Variants in NHSL3 observed in about 807,000 individuals in gnomAD.
NHSL3 encodes NHS like 3.
At chr1:32,771,938 C>G in the NHSL3 span, 4 of 1,602,200 alleles carry the variant, frequency 2.5e-6, no homozygotes, top group African/African-American at 1.3e-5. Flanking sequence ...TCAGGGCGGG[C>G]CAGCCCAGTG....
chr1:32,766,282 C>T, the NHSL3 span, among the ~76,000 whole-genome samples: 2 of 152,056 alleles, frequency 1.3e-5, no homozygotes, highest in African/African-American at 4.8e-5. Flanking sequence ...GAGGGAGGGG[C>T]CTGTTCCTCC....
At chr1:32,742,178 G>C in the NHSL3 span, 7 of 1,248,446 alleles carry the variant, frequency 5.6e-6, no homozygotes, top group Non-Finnish European at 7.0e-6. Flanking sequence ...AGGGCCAAGG[G>C]CAAAGGCCGA....
the NHSL3 span, chr1:32,741,958 G>C: frequency 9.5e-7 from 1 of 1,052,584 alleles, no homozygotes; most frequent in Admixed American, 5.2e-5. This position sits in a 1 kb window ranked among gnomAD's most constrained non-coding sequence, Gnocchi z 4.3. Flanking sequence ...GCCTGCCATG[G>C]CGGCCCGCGC....
the NHSL3 span, among the ~76,000 whole-genome samples, chr1:32,767,411 T>C: frequency 6.6e-6 from 1 of 152,204 alleles, no homozygotes; most frequent in East Asian, 1.9e-4. Context: ...GTGCTTGGTG[T>C]GTGTACCTAT....
chr1:32,770,413 T>G, the NHSL3 span: 1 of 1,607,738 alleles, frequency 6.2e-7, no homozygotes, highest in East Asian at 2.2e-5. This position sits in a 1 kb window ranked among gnomAD's most constrained non-coding sequence, Gnocchi z 8.3. Context: ...CCCATCCTCC[T>G]CCAGTGACAC....
the NHSL3 span, among the ~76,000 whole-genome samples, chr1:32,742,787 A>C: frequency 7.9e-5 from 12 of 152,194 alleles, no homozygotes; most frequent in Non-Finnish European, 1.8e-4. Flanking sequence ...CTCCTGGGGT[A>C]GTGAGCTCAC....
At chr1:32,762,978 A>AT in the NHSL3 span, among the ~76,000 whole-genome samples, 27,432 of 126,154 alleles carry the variant, frequency 0.22, 3,248 homozygotes, top group Non-Finnish European at 0.24. Flanking sequence ...CTAGCCTGGA[A>AT]TTTTTTTTTT....
chr1:32,771,999 C>G, the NHSL3 span: 2 of 1,603,234 alleles, frequency 1.2e-6, no homozygotes, highest in Admixed American at 1.7e-5. Context: ...AGGCCTGCAG[C>G]CTGGCCGCCA....
At chr1:32,749,511 A>G in the NHSL3 span, among the ~76,000 whole-genome samples, 1 of 152,228 alleles carries the variant, frequency 6.6e-6, no homozygotes, top group East Asian at 1.9e-4. Flanking sequence ...CAGATGGGGC[A>G]GCTGAGGCCC....
At chr1:32,774,543 G>C in the NHSL3 span, 1 of 152,394 alleles carries the variant, frequency 6.6e-6, no homozygotes, top group Non-Finnish European at 1.5e-5. Flanking sequence ...ATCCAGGACT[G>C]GGTCAAAGCT....
chr1:32,772,164 C>G, the NHSL3 span: 2 of 1,613,272 alleles, frequency 1.2e-6, no homozygotes, highest in African/African-American at 2.7e-5. Flanking sequence ...AGGCTGACCT[C>G]CAGCGGAATC....
the NHSL3 span, among the ~76,000 whole-genome samples, chr1:32,750,668 C>T: frequency 1.4e-3 from 204 of 150,588 alleles, no homozygotes; most frequent in African/African-American, 4.6e-3. Context: ...CCACCATGCC[C>T]AGCAAATTTT....
the NHSL3 span, chr1:32,774,277 A>G: frequency 6.6e-6 from 1 of 150,512 alleles, no homozygotes; most frequent in Non-Finnish European, 1.5e-5. Context: ...GGTTGACATG[A>G]CCTCCCCGCC....
At chr1:32,747,095 G>C in the NHSL3 span, among the ~76,000 whole-genome samples, 1 of 152,088 alleles carries the variant, frequency 6.6e-6, no homozygotes, top group Non-Finnish European at 1.5e-5. Flanking sequence ...AGAACCCTGA[G>C]TTTGAGTTCT....
the NHSL3 span, among the ~76,000 whole-genome samples, chr1:32,750,128 A>G: frequency 6.6e-6 from 1 of 152,180 alleles, no homozygotes; most frequent in Non-Finnish European, 1.5e-5. Flanking sequence ...TGCGGACCCA[A>G]AGGCCACCTC....
the NHSL3 span, chr1:32,773,177 C>G: frequency 1.9e-6 from 1 of 518,016 alleles, no homozygotes; most frequent in Non-Finnish European, 3.5e-6. Context: ...GGTGGCTGCG[C>G]CCCCTGCTGG....
the NHSL3 span, chr1:32,770,820 A>G: frequency 9.4e-6 from 15 of 1,602,372 alleles, no homozygotes; most frequent in East Asian, 3.4e-4. This position sits in a 1 kb window ranked among gnomAD's most constrained non-coding sequence, Gnocchi z 8.3. Flanking sequence ...GGGCGGGGGC[A>G]GCACCCTGTC....
chr1:32,742,637 G>C, the NHSL3 span, among the ~76,000 whole-genome samples: 2 of 152,368 alleles, frequency 1.3e-5, no homozygotes, highest in South Asian at 4.1e-4. Flanking sequence ...AAGAGTTTCA[G>C]CTCCAGCTGG....
chr1:32,758,884 C>T, the NHSL3 span, among the ~76,000 whole-genome samples: 1 of 152,160 alleles, frequency 6.6e-6, no homozygotes, highest in African/African-American at 2.4e-5. Context: ...GCCTGGAATT[C>T]CCTTCCTTCC....
Sources: gnomAD v4.1 joint callset for allele counts (sites outside exome capture counted in the v4.1 genomes callset) on GRCh38, gnomAD v4.1.1 for gene constraint, Gnocchi (gnomAD v3.1) non-coding constraint, MANE v1.5 for transcripts, NCBI Gene and HGNC (gene_info 2026-07-23, HGNC 2026-07-21) for gene names.